The following TRAF2 variants were observed in gnomAD, a reference collection of about 807,000 sequenced individuals.
TRAF2 encodes the protein TNF receptor associated factor 2, also known as TNF receptor-associated factor 2.
A neutral mutation model predicts 55.6 loss-of-function variants in TRAF2; 6 were observed. The ratio of observed to expected loss-of-function variants is 0.11; its 90% CI spans 0.06 to 0.21. The LOEUF (loss-of-function observed/expected upper bound fraction) is 0.21. Among genes scored for constraint, TRAF2 ranks in the 10% least tolerant of loss-of-function variants. The pLI is 1.00. For missense variants in TRAF2, 561 were observed against 684.5 expected (o/e 0.82, Z 2.01); for synonymous variants, 329 against 276.3 (o/e 1.19, Z -1.89).
intron 4 of TRAF2, among the ~76,000 whole-genome samples, chr9:136,905,196 G>T (rs1250259513): frequency 6.6e-6 from 1 of 152,178 alleles, no homozygotes; most frequent in Non-Finnish European, 1.5e-5. Flanking sequence ...CCCCATGAAG[G>T]GCCCCGCAGC....
rs756052070 is a variant in TRAF2 at position 136,921,106 on chromosome 9, G to A, written c.1029G>A (p.Leu343=). 5 of 1,613,980 alleles carry A rather than the reference G, an allele frequency of 3.1e-6. No individual in the cohort carries two copies. In the African/African-American group the frequency reaches 5.3e-5, roughly 17 times the overall value. The change falls in exon 9 of 11, where the codon TTG becomes TTA. Residue 343 remains leucine (L), a synonymous_variant. Transcript: ENST00000247668. ...LAMADLEQKV[L]EMEASTYDGV... ...TGGCTGACTTGGAGCAGAAGGTCTT[G>A]GAGATGGAGGCATCCACCTACGATG...
At chr9:136,901,017 T>C (rs754793168) in intron 4 of TRAF2, among the ~76,000 whole-genome samples, 2 of 152,198 alleles carry the variant, frequency 1.3e-5, no homozygotes, top group Non-Finnish European at 2.9e-5. Flanking sequence ...CACTGGAAAT[T>C]GCAGAAATAA....
intron 2 of TRAF2, 125 bp from the exon 3 acceptor site, chr9:136,899,469 G>T: frequency 1.3e-6 from 1 of 766,076 alleles, no homozygotes; most frequent in East Asian, 2.7e-5. Flanking sequence ...CCTGCTGTTG[G>T]TTTCACTAAG....
At chr9:136,905,520 G>C (rs1252172939) in intron 4 of TRAF2, among the ~76,000 whole-genome samples, 1 of 152,210 alleles carries the variant, frequency 6.6e-6, no homozygotes, top group African/African-American at 2.4e-5. Flanking sequence ...GTAGATGGTG[G>C]TGATGGTTAC....
Position 136,918,229 on chromosome 9 carries a change from A to T in TRAF2, c.678+1614A>T, listed in dbSNP as rs1478026581. Among the ~76,000 whole-genome samples the T allele has an allele frequency of 4.7e-4, 15 of 32,112 alleles. 1 individual carries two copies. The highest frequency in any genetic ancestry group is 1.4e-3 in the African/African-American group (6 of 4,396). 21.1% of individuals were successfully genotyped at this position (32,112 alleles called of 152,430 possible). On this transcript the variant is annotated intron_variant, in intron 7 of 10. Transcript: ENST00000247668. ...GTAATTTTTTTAGAGTGTTTTGTTT[A>T]TATATATATATATATATATATATAT...
intron 1 of TRAF2, among the ~76,000 whole-genome samples, chr9:136,897,215 T>G (rs1040636598): frequency 2.6e-5 from 4 of 152,112 alleles, no homozygotes; most frequent in Admixed American, 2.6e-4. Context: ...AAGGGTGAGG[T>G]GCAGGTATTG....
At chr9:136,924,285 G>A (rs1216818760) in intron 10 of TRAF2, among the ~76,000 whole-genome samples, 6 of 151,578 alleles carry the variant, frequency 4.0e-5, no homozygotes, top group South Asian at 4.1e-4. Context: ...CCGAGTGGGC[G>A]GGGAGTATGT....
chr9:136,894,972 A>G (rs1482855984), intron 1 of TRAF2, among the ~76,000 whole-genome samples: 1 of 152,168 alleles, frequency 6.6e-6, no homozygotes, highest in Non-Finnish European at 1.5e-5. Flanking sequence ...AGGGAAACAT[A>G]GTGAGACCCC....
At chr9:136,915,043 G>GT (rs757771626) in intron 6 of TRAF2, among the ~76,000 whole-genome samples, 9 of 152,124 alleles carry the variant, frequency 5.9e-5, no homozygotes, top group Non-Finnish European at 1.3e-4. Flanking sequence ...GCCGGGTGTG[G>GT]TAGCGCATGC....
chr9:136,915,863 C>T (rs372172971), intron 6 of TRAF2, among the ~76,000 whole-genome samples: 5 of 152,272 alleles, frequency 3.3e-5, no homozygotes, highest in South Asian at 2.1e-4. Context: ...TTCACAGTTA[C>T]GGCCGTTTCC....
At chr9:136,894,970 A>G (rs909815311) in intron 1 of TRAF2, among the ~76,000 whole-genome samples, 3 of 152,220 alleles carry the variant, frequency 2.0e-5, no homozygotes, top group Non-Finnish European at 2.9e-5. Context: ...CTAGGGAAAC[A>G]TAGTGAGACC....
intron 4 of TRAF2, among the ~76,000 whole-genome samples, chr9:136,903,519 T>C (rs1416625558): frequency 2.1e-5 from 3 of 145,308 alleles, no homozygotes; most frequent in Non-Finnish European, 3.0e-5. Flanking sequence ...GTTTGAATTC[T>C]GGCTGAATAA....
intron 2 of TRAF2, among the ~76,000 whole-genome samples, chr9:136,899,239 TGCTCTAGGCAGCTAAGACAGCC>T (rs1849758527): frequency 6.6e-6 from 1 of 152,242 alleles, no homozygotes; most frequent in Non-Finnish European, 1.5e-5. Flanking sequence ...ACTTTTTGGC[TGCTCTAGGCAGCTAAGACAGCC>T]GCCTTCCTTG....
chr9:136,887,954 C>T (rs1188133837), intron 1 of TRAF2, among the ~76,000 whole-genome samples: 1 of 152,030 alleles, frequency 6.6e-6, no homozygotes, highest in Admixed American at 6.6e-5. Flanking sequence ...ACTGCAGCCT[C>T]CGCCTCCTGG....
intron 4 of TRAF2, among the ~76,000 whole-genome samples, chr9:136,905,212 C>A (rs1019525000): frequency 3.9e-5 from 6 of 152,230 alleles, no homozygotes; most frequent in Admixed American, 6.5e-5. Flanking sequence ...GCAGCCAGGT[C>A]CTCTGCTGCC....
At chr9:136,915,072 G>A (rs1850208855) in intron 6 of TRAF2, among the ~76,000 whole-genome samples, 1 of 152,204 alleles carries the variant, frequency 6.6e-6, no homozygotes, top group Non-Finnish European at 1.5e-5. Context: ...CCAGCTACTC[G>A]GGAGGCTGAG....
intron 10 of TRAF2, among the ~76,000 whole-genome samples, 157 bp from the exon 11 acceptor site, chr9:136,925,526 C>T (rs1214807602): frequency 6.6e-6 from 1 of 152,000 alleles, no homozygotes; most frequent in Non-Finnish European, 1.5e-5. Flanking sequence ...GTGGCAGGAG[C>T]AAGGCCGCCC....
At chr9:136,887,870 TTTTA>T (rs1000120925) in intron 1 of TRAF2, among the ~76,000 whole-genome samples, 12 of 152,224 alleles carry the variant, frequency 7.9e-5, no homozygotes, top group African/African-American at 4.8e-5. Context: ...AAAATTGTAA[TTTTA>T]TTTATTTATT....
chr9:136,923,233 T>G lies in TRAF2; in HGVS notation c.1139-619T>G, dbSNP rs1268504717. Among the ~76,000 whole-genome samples the G allele has an allele frequency of 2.0e-5, 3 of 152,138 alleles. 1 individual carries two copies. The highest frequency in any genetic ancestry group is 2.0e-4 in the Admixed American group (3 of 15,286). On this transcript the variant is annotated intron_variant, in intron 9 of 10. Transcript: ENST00000247668. ...GGCTCCCTCTGTGGCTCTGCCGAGG[T>G]CCCAACCACTGCATTTAGTGGATCT...
Sources: allele counts gnomAD v4.1 joint callset (sites outside exome capture counted in the v4.1 genomes callset), GRCh38; gene constraint gnomAD v4.1.1; transcripts MANE v1.5; gene names NCBI Gene and HGNC (gene_info 2026-07-23, HGNC 2026-07-21).